Variants in DRC11 observed in about 807,000 individuals in gnomAD.
DRC11 encodes IQ and AAA domain-containing protein 1.
At chr2:236,343,252 T>C in the DRC11 span, among the ~76,000 whole-genome samples, 664 of 152,282 alleles carry the variant, frequency 4.4e-3, 7 homozygotes, top group African/African-American at 0.015. This position sits in a 1 kb window ranked among gnomAD's most constrained non-coding sequence, Gnocchi z 6.6. Flanking sequence ...CCTTCCCCAG[T>C]GCTCCTCTGG....
At chr2:236,497,415 C>G in the DRC11 span, 1 of 1,613,794 alleles carries the variant, frequency 6.2e-7, no homozygotes, top group Non-Finnish European at 8.5e-7. This position sits in a 1 kb window ranked among gnomAD's most constrained non-coding sequence, Gnocchi z 5.1. Context: ...GTGGTTCAAT[C>G]ATCTTCTGAG....
At chr2:236,494,016 A>G in the DRC11 span, 1 of 762,170 alleles carries the variant, frequency 1.3e-6, no homozygotes, top group Non-Finnish European at 1.9e-6. The surrounding 1 kb of genome is among the most constrained non-coding windows in gnomAD (Gnocchi z 4.2). Flanking sequence ...ATTTAAGAAA[A>G]AAAAAATGAG....
chr2:236,377,133 C>A, the DRC11 span: 2 of 1,612,382 alleles, frequency 1.2e-6, no homozygotes, highest in Non-Finnish European at 1.7e-6. This position sits in a 1 kb window ranked among gnomAD's most constrained non-coding sequence, Gnocchi z 4.9. Context: ...ACTTTCAGAG[C>A]CTGGATCAGT....
chr2:236,472,837 T>C, the DRC11 span, among the ~76,000 whole-genome samples: 1 of 152,168 alleles, frequency 6.6e-6, no homozygotes, highest in Non-Finnish European at 1.5e-5. The surrounding 1 kb of genome is among the most constrained non-coding windows in gnomAD (Gnocchi z 4.6). Flanking sequence ...GCTTTGAGCC[T>C]AGCTCTGTCT....
the DRC11 span, among the ~76,000 whole-genome samples, chr2:236,462,484 C>A: frequency 6.6e-6 from 1 of 152,118 alleles, no homozygotes; most frequent in Non-Finnish European, 1.5e-5. The surrounding 1 kb of genome is among the most constrained non-coding windows in gnomAD (Gnocchi z 6.4). Context: ...CCAGTCTGGC[C>A]AACATGGTGA....
the DRC11 span, among the ~76,000 whole-genome samples, chr2:236,447,502 T>G: frequency 6.8e-6 from 1 of 147,902 alleles, no homozygotes; most frequent in Non-Finnish European, 1.5e-5. The surrounding 1 kb of genome is among the most constrained non-coding windows in gnomAD (Gnocchi z 4.6). Context: ...GACTTACGTT[T>G]TAAGAGGATC....
At chr2:236,455,018 T>C in the DRC11 span, 1 of 152,226 alleles carries the variant, frequency 6.6e-6, no homozygotes, top group African/African-American at 2.4e-5. The surrounding 1 kb of genome is among the most constrained non-coding windows in gnomAD (Gnocchi z 5.7). Context: ...TCCTTTTAAC[T>C]ACACAGAACC....
the DRC11 span, among the ~76,000 whole-genome samples, chr2:236,409,948 A>C: frequency 6.6e-6 from 1 of 152,240 alleles, no homozygotes; most frequent in Non-Finnish European, 1.5e-5. Context: ...CTTGCATTCC[A>C]GGGATGAAAC....
the DRC11 span, among the ~76,000 whole-genome samples, chr2:236,315,535 T>G: frequency 6.6e-6 from 1 of 152,184 alleles, no homozygotes; most frequent in Non-Finnish European, 1.5e-5. The surrounding 1 kb of genome is among the most constrained non-coding windows in gnomAD (Gnocchi z 5.1). Flanking sequence ...ATCATTCTAT[T>G]ATAAAGATAC....
chr2:236,448,628 G>A, the DRC11 span, among the ~76,000 whole-genome samples: 1 of 151,556 alleles, frequency 6.6e-6, no homozygotes, highest in Admixed American at 6.6e-5. The surrounding 1 kb of genome is among the most constrained non-coding windows in gnomAD (Gnocchi z 5.3). Context: ...GAGCCACCAT[G>A]CCTGGCTGTA....
At chr2:236,319,931 A>G in the DRC11 span, among the ~76,000 whole-genome samples, 1 of 152,208 alleles carries the variant, frequency 6.6e-6, no homozygotes, top group Non-Finnish European at 1.5e-5. The surrounding 1 kb of genome is among the most constrained non-coding windows in gnomAD (Gnocchi z 6.7). Context: ...CTGGCCTTGC[A>G]CATTCATTTG....
At chr2:236,405,445 C>T in the DRC11 span, among the ~76,000 whole-genome samples, 5 of 151,882 alleles carry the variant, frequency 3.3e-5, no homozygotes, top group South Asian at 2.1e-4. The surrounding 1 kb of genome is among the most constrained non-coding windows in gnomAD (Gnocchi z 4.6). Flanking sequence ...TTTTCTGGGC[C>T]TTGCTTTCTC....
chr2:236,434,067 A>G, the DRC11 span, among the ~76,000 whole-genome samples: 2 of 152,200 alleles, frequency 1.3e-5, no homozygotes, highest in East Asian at 3.8e-4. This position sits in a 1 kb window ranked among gnomAD's most constrained non-coding sequence, Gnocchi z 5.5. Context: ...ATTCATAGAC[A>G]TCCTTAACCC....
the DRC11 span, among the ~76,000 whole-genome samples, chr2:236,432,466 T>G: frequency 6.6e-6 from 1 of 152,222 alleles, no homozygotes; most frequent in Non-Finnish European, 1.5e-5. Flanking sequence ...AGTGTAGTTT[T>G]AATTTGCATT....
chr2:236,324,648 A>T, the DRC11 span: 1 of 1,159,872 alleles, frequency 8.6e-7, no homozygotes, highest in African/African-American at 1.5e-5. This position sits in a 1 kb window ranked among gnomAD's most constrained non-coding sequence, Gnocchi z 5.7. Context: ...GGTTCTTCAG[A>T]AAGGCATTAC....
chr2:236,452,427 C>G, the DRC11 span, among the ~76,000 whole-genome samples: 2 of 152,174 alleles, frequency 1.3e-5, no homozygotes, highest in South Asian at 4.1e-4. This position sits in a 1 kb window ranked among gnomAD's most constrained non-coding sequence, Gnocchi z 4.7. Flanking sequence ...CGGTCCCCCC[C>G]AAGTCATCCA....
chr2:236,487,286 T>G, the DRC11 span, among the ~76,000 whole-genome samples: 1 of 152,164 alleles, frequency 6.6e-6, no homozygotes, highest in Non-Finnish European at 1.5e-5. Context: ...TTAACTCAGA[T>G]GCTACAACTT....
chr2:236,343,596 G>T, the DRC11 span: 1 of 646,724 alleles, frequency 1.5e-6, no homozygotes, highest in Non-Finnish European at 2.5e-6. The surrounding 1 kb of genome is among the most constrained non-coding windows in gnomAD (Gnocchi z 6.6). Flanking sequence ...CCAGGTTTCT[G>T]ATAACTCCAG....
chr2:236,507,408 A>G, the DRC11 span: 1 of 809,996 alleles, frequency 1.2e-6, no homozygotes, highest in Non-Finnish European at 2.1e-6. Flanking sequence ...AGAAACCAGG[A>G]CTGCGAGAAT....
Sources: allele counts gnomAD v4.1 joint callset (sites outside exome capture counted in the v4.1 genomes callset), GRCh38; gene constraint gnomAD v4.1.1; non-coding constraint Gnocchi (gnomAD v3.1); transcripts MANE v1.5; gene names NCBI Gene and HGNC (gene_info 2026-07-23, HGNC 2026-07-21).